Variants in PLCXD3 observed in about 807,000 individuals in gnomAD.
PLCXD3 encodes PI-PLC X domain-containing protein 3.
In PLCXD3, 19 loss-of-function variants were observed where a neutral mutation model predicts 25.5. The observed-to-expected ratio is 0.75, with a 90% CI of 0.52 to 1.09. The LOEUF (loss-of-function observed/expected upper bound fraction) is 1.09. Among genes scored for constraint, PLCXD3 ranks in the 50% least tolerant of loss-of-function variants. The pLI, the probability that PLCXD3 is intolerant of heterozygous loss-of-function variation, is 0.00. For synonymous variants in PLCXD3, 174 were observed against 137.6 expected, an observed-to-expected ratio of 1.26 and a Z score of -1.85; for missense variants, 411 against 388.1, an observed-to-expected ratio of 1.06 and a Z score of -0.50.
At chr5:41,421,475 G>C (rs1746821203) in intron 1 of PLCXD3, among the ~76,000 whole-genome samples, 1 of 152,194 alleles carries the variant, frequency 6.6e-6, no homozygotes, top group Non-Finnish European at 1.5e-5. Flanking sequence ...GCCGAGGCGG[G>C]CTGATCACAA....
chr5:41,367,095 A>G (rs537445040), intron 2 of PLCXD3, among the ~76,000 whole-genome samples: 6 of 152,346 alleles, frequency 3.9e-5, no homozygotes, highest in African/African-American at 1.4e-4. Context: ...TGCTGCAATG[A>G]ACATACACAT....
chr5:41,499,836 A>C (rs1425954612), intron 1 of PLCXD3, among the ~76,000 whole-genome samples: 3 of 151,822 alleles, frequency 2.0e-5, no homozygotes, highest in Non-Finnish European at 3.0e-5. Flanking sequence ...AAAACCTCAC[A>C]TATACCATTA....
intron 2 of PLCXD3, among the ~76,000 whole-genome samples, chr5:41,326,392 A>G (rs559416071): frequency 2.0e-5 from 3 of 152,236 alleles, no homozygotes; most frequent in Non-Finnish European, 2.9e-5. Context: ...CTCTTCATGA[A>G]CAACTACAAA....
intron 2 of PLCXD3, among the ~76,000 whole-genome samples, chr5:41,371,987 T>G (rs564793906): frequency 6.6e-6 from 1 of 152,278 alleles, no homozygotes; most frequent in East Asian, 1.9e-4. Flanking sequence ...TTTCCCTCAG[T>G]TGCTGACTAA....
intron 1 of PLCXD3, among the ~76,000 whole-genome samples, chr5:41,421,671 G>A (rs1287487169): frequency 6.6e-6 from 1 of 152,156 alleles, no homozygotes; most frequent in Non-Finnish European, 1.5e-5. Flanking sequence ...ACTGCAGTCA[G>A]GCCTGGGCGA....
chr5:41,336,755 A>T (rs992279271), intron 2 of PLCXD3, among the ~76,000 whole-genome samples: 1 of 152,126 alleles, frequency 6.6e-6, no homozygotes, highest in African/African-American at 2.4e-5. Flanking sequence ...GGGAGGAGAA[A>T]TCTGAAGATC....
intron 1 of PLCXD3, among the ~76,000 whole-genome samples, chr5:41,387,628 G>A (rs1386237735): frequency 1.3e-5 from 2 of 152,062 alleles, no homozygotes; most frequent in African/African-American, 4.8e-5. Context: ...TAGTCTCTCT[G>A]TGTAAAAAAT....
intron 1 of PLCXD3, 36 bp downstream of exon 1, chr5:41,510,388 C>T (rs374057483): frequency 6.5e-7 from 1 of 1,542,764 alleles, no homozygotes; most frequent in Non-Finnish European, 8.8e-7. Flanking sequence ...GTGGAGCGGG[C>T]GCCGAGCGCC....
intron 2 of PLCXD3, among the ~76,000 whole-genome samples, chr5:41,323,856 T>G (rs1256944846): frequency 6.6e-6 from 1 of 152,210 alleles, no homozygotes; most frequent in Non-Finnish European, 1.5e-5. Context: ...CACGTGGACA[T>G]CATTCACTCA....
intron 2 of PLCXD3, among the ~76,000 whole-genome samples, chr5:41,367,894 G>T (rs2150487503): frequency 6.6e-6 from 1 of 152,174 alleles, no homozygotes; most frequent in East Asian, 1.9e-4. Flanking sequence ...TATTAAATAG[G>T]GAATCCTTTT....
At chr5:41,362,789 C>T (rs1442072753) in intron 2 of PLCXD3, among the ~76,000 whole-genome samples, 6 of 152,108 alleles carry the variant, frequency 3.9e-5, no homozygotes, top group South Asian at 2.1e-4. Flanking sequence ...TATAGTGCTG[C>T]GTAGTCCAGG....
At chr5:41,494,911 G>T (rs1056642074) in intron 1 of PLCXD3, among the ~76,000 whole-genome samples, 9 of 152,196 alleles carry the variant, frequency 5.9e-5, no homozygotes, top group African/African-American at 2.2e-4. Context: ...GAAGCATGTA[G>T]TGAAGGAAGT....
At chr5:41,479,420 T>G (rs942322706) in intron 1 of PLCXD3, among the ~76,000 whole-genome samples, 1 of 152,096 alleles carries the variant, frequency 6.6e-6, no homozygotes, top group Non-Finnish European at 1.5e-5. Context: ...GTGGTGATGT[T>G]TGCATAATAA....
intron 1 of PLCXD3, among the ~76,000 whole-genome samples, chr5:41,391,552 C>G (rs548662974): frequency 8.7e-4 from 133 of 152,318 alleles, no homozygotes; most frequent in Admixed American, 7.2e-4. Context: ...AAGTAAACAG[C>G]AGTGATATCC....
At chr5:41,470,562 T>A (rs936855115) in intron 1 of PLCXD3, among the ~76,000 whole-genome samples, 15 of 152,118 alleles carry the variant, frequency 9.9e-5, no homozygotes, top group Admixed American at 9.2e-4. Flanking sequence ...AAGGTTTTCC[T>A]ACAGAGAAGT....
At position 41,313,706 on chromosome 5, in the gene PLCXD3, C is replaced by G. The variant is rs1357743228; in HGVS notation, c.877G>C (p.Val293Leu). ...QKPGESGINI[V>L]TADFVELGDF... ...CCAAGTTCTACAAAATCGGCAGTGA[C>G]AATATTGATGCCACTCTCTCCTGGC... The change falls in exon 3 of 3, where the codon GTC (valine) becomes CTC (leucine). Residue 293 changes from valine to leucine, a missense_variant. By Grantham distance (32) the Val-to-Leu change is conservative (BLOSUM62 1). Coordinates refer to ENST00000377801, the MANE Select transcript of PLCXD3 (RefSeq NM_001005473.3). 1 of 1,613,592 alleles carries G rather than the reference C, an allele frequency of 6.2e-7. No individual in the cohort carries two copies. Among genetic ancestry groups the G allele is most frequent in the Non-Finnish European group, 8.5e-7 (1 of 1,179,768 alleles).
intron 1 of PLCXD3, among the ~76,000 whole-genome samples, chr5:41,450,794 C>T (rs1388555994): frequency 1.3e-5 from 2 of 152,082 alleles, no homozygotes; most frequent in Non-Finnish European, 2.9e-5. Flanking sequence ...CACACAACCC[C>T]ATTCTCTCCT....
At chr5:41,393,514 C>G (rs1247604974) in intron 1 of PLCXD3, among the ~76,000 whole-genome samples, 1 of 152,062 alleles carries the variant, frequency 6.6e-6, no homozygotes, top group Non-Finnish European at 1.5e-5. Flanking sequence ...CCCAAACAAA[C>G]AAAAGGTGAA....
In PLCXD3 at chr5:41,315,021, AG is replaced by A. The variant is rs1355765075; in HGVS notation, c.813-1252del. Among the ~76,000 whole-genome samples, 3 of 152,188 alleles carry A rather than the reference AG, an allele frequency of 2.0e-5. No individual in the cohort carries two copies. In the East Asian group the frequency reaches 5.8e-4, roughly 29 times the overall value. ...GGATAAAGGTGAGAATGGTAGATGGAGGATGATGCAATGCACTTTCAGGCAG... is the reference window on the plus strand; with the variant it reads ...GGATAAAGGTGAGAATGGTAGATGGAGATGATGCAATGCACTTTCAGGCAG... On this transcript the variant is annotated intron_variant, in intron 2 of 2. Coordinates refer to ENST00000377801, the MANE Select transcript of PLCXD3 (RefSeq NM_001005473.3).
Sources: allele counts gnomAD v4.1 joint callset (sites outside exome capture counted in the v4.1 genomes callset), GRCh38; gene constraint gnomAD v4.1.1; transcripts MANE v1.5; gene names NCBI Gene and HGNC (gene_info 2026-07-23, HGNC 2026-07-21).